The following NRG1 variants were observed in gnomAD, a reference collection of about 807,000 sequenced individuals.
NRG1 encodes neuregulin 1.
A neutral mutation model predicts 63.8 loss-of-function variants in NRG1; 18 were observed. The observed-to-expected ratio is 0.28, with a 90% CI of 0.19 to 0.42. The LOEUF (loss-of-function observed/expected upper bound fraction) is 0.42, where lower values mean the gene tolerates loss of function less well. Ranked by LOEUF, NRG1 falls within the 10% of genes least tolerant of loss-of-function variation. The probability of loss-of-function intolerance (pLI) is 1.00; values close to 1 mark genes in which losing one functional copy is unlikely to be tolerated. For missense variants in NRG1, 762 were observed against 814.7 expected, an observed-to-expected ratio of 0.94 and a Z score of 0.79; for synonymous variants, 302 against 301.3, an observed-to-expected ratio of 1.00 and a Z score of -0.02.
chr8:31,798,726 A>T (rs917034386), intron 1 of NRG1, among the ~76,000 whole-genome samples: 1 of 152,162 alleles, frequency 6.6e-6, no homozygotes, highest in African/African-American at 2.4e-5. Context: ...CATTTTATAT[A>T]TGACAAAGTT....
intron 1 of NRG1, among the ~76,000 whole-genome samples, chr8:32,094,958 C>G (rs1348399865): frequency 6.8e-6 from 1 of 147,400 alleles, no homozygotes; most frequent in Non-Finnish European, 1.5e-5. Flanking sequence ...TGTCGCCAGG[C>G]TGGAGTGCAC....
intron 1 of NRG1, among the ~76,000 whole-genome samples, chr8:32,340,328 C>T (rs1330641174): frequency 6.6e-6 from 1 of 152,136 alleles, no homozygotes; most frequent in Non-Finnish European, 1.5e-5. Flanking sequence ...CCTAATTCAA[C>T]CTCTTGAAAT....
intron 1 of NRG1, among the ~76,000 whole-genome samples, chr8:31,722,450 C>T (rs1813015780): frequency 6.6e-6 from 1 of 152,094 alleles, no homozygotes; most frequent in African/African-American, 2.4e-5. Flanking sequence ...TCCACGGTGG[C>T]ACAGAGTCCC....
intron 1 of NRG1, among the ~76,000 whole-genome samples, chr8:32,273,965 C>T (rs1851816002): frequency 6.6e-6 from 1 of 152,084 alleles, no homozygotes; most frequent in African/African-American, 2.4e-5. Flanking sequence ...AAGTATTGCT[C>T]CTGCAAAACT....
At chr8:32,548,970 C>T (rs967357556) in intron 1 of NRG1, 144 bp downstream of exon 1, 1 of 1,178,406 alleles carries the variant, frequency 8.5e-7, no homozygotes, top group Admixed American at 3.1e-5. Flanking sequence ...TTGAGTCGCG[C>T]GGTGCTTCCC....
intron 7 of NRG1, among the ~76,000 whole-genome samples, chr8:32,752,663 G>A (rs1353221468): frequency 2.6e-5 from 4 of 152,060 alleles, no homozygotes; most frequent in East Asian, 3.9e-4. Context: ...GACTTCAGAT[G>A]GCTCCTTAAC....
At chr8:32,312,574 GGTTT>G (rs1314690197) in intron 1 of NRG1, among the ~76,000 whole-genome samples, 2 of 151,974 alleles carry the variant, frequency 1.3e-5, no homozygotes, top group Non-Finnish European at 2.9e-5. Context: ...AGGGAGGTGA[GGTTT>G]GTGCCATTTG....
chr8:32,635,477 A>G (rs1196617855), intron 5 of NRG1, among the ~76,000 whole-genome samples: 3 of 152,216 alleles, frequency 2.0e-5, no homozygotes, highest in Non-Finnish European at 2.9e-5. Context: ...TTTCCTGATC[A>G]GTTGGCTGAA....
intron 1 of NRG1, among the ~76,000 whole-genome samples, chr8:32,161,136 C>T (rs1838780485): frequency 6.6e-6 from 1 of 151,862 alleles, no homozygotes; most frequent in Non-Finnish European, 1.5e-5. Flanking sequence ...CTAACCTAGC[C>T]CCACCCCTCA....
intron 1 of NRG1, among the ~76,000 whole-genome samples, chr8:32,475,441 G>T (rs1302988752): frequency 2.4e-5 from 3 of 126,868 alleles, no homozygotes; most frequent in Non-Finnish European, 3.2e-5. Flanking sequence ...CTCCAGCCTG[G>T]TGACAGAGAG....
chr8:31,780,325 A>T (rs1819558311), intron 1 of NRG1, among the ~76,000 whole-genome samples: 2 of 152,294 alleles, frequency 1.3e-5, no homozygotes, highest in Admixed American at 1.3e-4. Flanking sequence ...GTAGGCATGA[A>T]GCCACATTTT....
intron 5 of NRG1, among the ~76,000 whole-genome samples, chr8:32,727,317 G>T (rs1822461659): frequency 6.6e-6 from 1 of 152,152 alleles, no homozygotes; most frequent in Admixed American, 6.5e-5. Context: ...TTAAAAGTAT[G>T]ATGGCGTTTG....
chr8:32,445,036 G>A (rs944532895), intron 1 of NRG1, among the ~76,000 whole-genome samples: 2 of 152,142 alleles, frequency 1.3e-5, no homozygotes, highest in African/African-American at 2.4e-5. Flanking sequence ...TTTGCAAAAG[G>A]CAATACCAAG....
intron 1 of NRG1, among the ~76,000 whole-genome samples, chr8:31,678,687 T>C (rs1807991888): frequency 6.7e-6 from 1 of 149,490 alleles, no homozygotes; most frequent in African/African-American, 2.4e-5. Flanking sequence ...ATTATTTTAA[T>C]ATTTAATGTT....
intron 1 of NRG1, among the ~76,000 whole-genome samples, chr8:32,122,599 G>A (rs1367830635): frequency 6.6e-6 from 1 of 151,624 alleles, no homozygotes; most frequent in Non-Finnish European, 1.5e-5. Flanking sequence ...ATTGTTGTTT[G>A]ATTTGGTTAA....
At chr8:32,381,474 AG>A in intron 1 of NRG1, among the ~76,000 whole-genome samples, 1 of 152,206 alleles carries the variant, frequency 6.6e-6, no homozygotes, top group Middle Eastern at 3.4e-3. Flanking sequence ...ACACGGAGGC[AG>A]GGCCTGGTAC....
chr8:31,763,389 C>T (rs1817740372), intron 1 of NRG1, among the ~76,000 whole-genome samples: 2 of 152,120 alleles, frequency 1.3e-5, no homozygotes, highest in Non-Finnish European at 2.9e-5. Context: ...TTTGTCATTG[C>T]CGTTTAGATA....
intron 1 of NRG1, among the ~76,000 whole-genome samples, chr8:31,659,343 TTTGGGACA>T (rs1378208116): frequency 1.3e-5 from 2 of 152,168 alleles, no homozygotes; most frequent in Admixed American, 1.3e-4. Context: ...CTGAATGGAC[TTTGGGACA>T]TGGCACCAAG....
At chr8:32,459,641 T>A in intron 1 of NRG1, among the ~76,000 whole-genome samples, 1 of 152,044 alleles carries the variant, frequency 6.6e-6, no homozygotes, top group Middle Eastern at 3.4e-3. Context: ...ATGAATTAGA[T>A]TTTGTTGCTC....
Sources: allele counts gnomAD v4.1 joint callset (sites outside exome capture counted in the v4.1 genomes callset), GRCh38; gene constraint gnomAD v4.1.1; transcripts MANE v1.5; gene names NCBI Gene and HGNC (gene_info 2026-07-23, HGNC 2026-07-21).